The following CRADD variants were observed in gnomAD, a reference collection of about 807,000 sequenced individuals.
The protein encoded by CRADD is death domain-containing protein CRADD.
In CRADD, 9 loss-of-function variants were observed where a neutral mutation model predicts 15.5. That is an observed-to-expected ratio of 0.58 (90% CI 0.35 to 1.01). CRADD has a LOEUF of 1.01. CRADD is among the 50% of genes least tolerant of loss of function. The pLI is 0.02. For synonymous variants in CRADD, 118 were observed against 107.6 expected (o/e 1.10, Z -0.60); for missense variants, 227 against 250.3 (o/e 0.91, Z 0.63).
At chr12:93,698,350 G>A (rs569924710) in intron 2 of CRADD, among the ~76,000 whole-genome samples, 9 of 152,236 alleles carry the variant, frequency 5.9e-5, no homozygotes, top group East Asian at 1.9e-4. Context: ...AGAAGATTAC[G>A]AGTATGTGTG....
At position 93,688,257 on chromosome 12, in the gene CRADD, G is replaced by A. The variant is rs554951574; in HGVS notation, c.298+9185G>A. 4.5e-4 allele frequency among the ~76,000 whole-genome samples: 69 copies of A among 152,258 alleles called. No homozygotes were observed. The South Asian group carries it at 0.01, about 22-fold the overall frequency. On this transcript the variant is annotated intron_variant, in intron 2 of 2. Coordinates refer to ENST00000332896, the MANE Select transcript of CRADD (RefSeq NM_003805.5). The stretch of plus-strand genomic sequence containing the variant: ...TGGCTCACGCCTGTTAATTCCAACA[G>A]TTTGGGAGACCAAGGTGGGAGGATC...
At chr12:93,771,006 G>C (rs1477422303) in intron 2 of CRADD, among the ~76,000 whole-genome samples, 2 of 151,914 alleles carry the variant, frequency 1.3e-5, no homozygotes, top group African/African-American at 4.8e-5. Flanking sequence ...ATAATTCATT[G>C]AAAGTTTTAT....
intron 2 of CRADD, among the ~76,000 whole-genome samples, chr12:93,685,873 A>G (rs1955417818): frequency 6.6e-6 from 1 of 151,856 alleles, no homozygotes; most frequent in African/African-American, 2.4e-5. Context: ...GGCGCCTGGA[A>G]TCCCAGCTAC....
At chr12:93,792,559 C>T (rs1007152391) in intron 2 of CRADD, among the ~76,000 whole-genome samples, 1 of 152,154 alleles carries the variant, frequency 6.6e-6, no homozygotes, top group Non-Finnish European at 1.5e-5. Context: ...AGGTTGTCCT[C>T]TCTCAGAACC....
intron 2 of CRADD, among the ~76,000 whole-genome samples, chr12:93,862,711 T>A (rs1958327986): frequency 1.3e-5 from 2 of 152,216 alleles, no homozygotes; most frequent in South Asian, 4.1e-4. Flanking sequence ...AAAGTGCCAG[T>A]GTGAACTGTG....
At chr12:93,690,722 A>C (rs996021770) in intron 2 of CRADD, among the ~76,000 whole-genome samples, 6 of 152,214 alleles carry the variant, frequency 3.9e-5, no homozygotes, top group Non-Finnish European at 7.3e-5. Context: ...AGCAGAGCTG[A>C]GGTTCAAACA....
intron 2 of CRADD, among the ~76,000 whole-genome samples, chr12:93,820,536 G>A (rs1475431987): frequency 2.0e-5 from 3 of 149,906 alleles, no homozygotes; most frequent in Admixed American, 1.3e-4. Flanking sequence ...GCAACAGAGC[G>A]AGACTCTGTC....
At chr12:93,700,001 G>C (rs1592898506) in intron 2 of CRADD, among the ~76,000 whole-genome samples, 1 of 152,208 alleles carries the variant, frequency 6.6e-6, no homozygotes, top group Admixed American at 6.5e-5. Flanking sequence ...AGGGAATAAA[G>C]TAGGGAGTGC....
At chr12:93,767,547 A>G (rs1476418225) in intron 2 of CRADD, among the ~76,000 whole-genome samples, 2 of 152,224 alleles carry the variant, frequency 1.3e-5, no homozygotes, top group Admixed American at 1.3e-4. Context: ...AAATTATCAC[A>G]TTAATTTTCA....
chr12:93,775,206 A>T (rs1957128627), intron 2 of CRADD, among the ~76,000 whole-genome samples: 1 of 152,246 alleles, frequency 6.6e-6, no homozygotes, highest in East Asian at 1.9e-4. Flanking sequence ...TTCCAGATAC[A>T]GCTCAAACAT....
chr12:93,711,246 A>C (rs1273477633), intron 2 of CRADD, among the ~76,000 whole-genome samples: 1 of 151,880 alleles, frequency 6.6e-6, no homozygotes, highest in Non-Finnish European at 1.5e-5. Context: ...AAGAAGCAAA[A>C]AGGAAACAAG....
intron 2 of CRADD, among the ~76,000 whole-genome samples, chr12:93,701,295 G>GACAC (rs55986038): frequency 0.05 from 7,158 of 143,400 alleles, 207 homozygotes; most frequent in African/African-American, 0.08. Context: ...CTCTCTCTGT[G>GACAC]ACACACACAC....
chr12:93,812,817 G>T (rs1031669054), intron 2 of CRADD, among the ~76,000 whole-genome samples: 8 of 152,216 alleles, frequency 5.3e-5, no homozygotes, highest in African/African-American at 1.9e-4. Context: ...TTTACAACTG[G>T]TGTAAAATTC....
At chr12:93,769,650 C>T (rs1957062062) in intron 2 of CRADD, among the ~76,000 whole-genome samples, 1 of 152,204 alleles carries the variant, frequency 6.6e-6, no homozygotes, top group South Asian at 2.1e-4. Flanking sequence ...TCTTTGGCAA[C>T]ACTTGGTTTG....
At chr12:93,742,853 T>A (rs994218104) in intron 2 of CRADD, among the ~76,000 whole-genome samples, 1 of 152,098 alleles carries the variant, frequency 6.6e-6, no homozygotes. Context: ...CGGCTCCAGA[T>A]CCTGAACAGG....
At chr12:93,888,057 A>G (rs942654272) in intron 2 of CRADD, among the ~76,000 whole-genome samples, 1 of 152,202 alleles carries the variant, frequency 6.6e-6, no homozygotes, top group African/African-American at 2.4e-5. Context: ...AGAAACATGC[A>G]CAAAGGAATA....
At chr12:93,863,295 A>T (rs1292102911) in intron 2 of CRADD, among the ~76,000 whole-genome samples, 1 of 152,152 alleles carries the variant, frequency 6.6e-6, no homozygotes, top group Non-Finnish European at 1.5e-5. Flanking sequence ...TTCTGTCTAT[A>T]GCCCCAGGCC....
At chr12:93,797,323 G>A (rs1036568948) in intron 2 of CRADD, among the ~76,000 whole-genome samples, 15 of 152,128 alleles carry the variant, frequency 9.9e-5, no homozygotes, top group African/African-American at 3.4e-4. Flanking sequence ...GTTCCTCATG[G>A]TCTCCAGACT....
At chr12:93,719,696 C>T (rs1291253364) in intron 2 of CRADD, among the ~76,000 whole-genome samples, 2 of 151,890 alleles carry the variant, frequency 1.3e-5, no homozygotes, top group East Asian at 3.9e-4. Flanking sequence ...ATGAATTGTT[C>T]CTTTTCAGGT....
Sources: gnomAD v4.1 joint callset for allele counts (sites outside exome capture counted in the v4.1 genomes callset) on GRCh38, gnomAD v4.1.1 for gene constraint, MANE v1.5 for transcripts, NCBI Gene and HGNC (gene_info 2026-07-23, HGNC 2026-07-21) for gene names.